The following RGS6 variants were observed in gnomAD, a reference collection of about 807,000 sequenced individuals.
The protein encoded by RGS6 is regulator of G-protein signaling 6.
In RGS6, 30 loss-of-function variants were observed where a neutral mutation model predicts 78.5. The observed-to-expected ratio is 0.38, with a 90% confidence interval of 0.29 to 0.52. The LOEUF (loss-of-function observed/expected upper bound fraction) is 0.52, where lower values mean the gene tolerates loss of function less well. RGS6 is among the 20% of genes least tolerant of loss of function. The pLI, the probability that RGS6 is intolerant of heterozygous loss-of-function variation, is 0.85. For missense variants in RGS6, 495 were observed against 609.7 expected (o/e 0.81, Z 1.98); for synonymous variants, 206 against 206.0 (o/e 1.00, Z 0.00).
chr14:72,384,088 A>T (rs567100436), intron 3 of RGS6, among the ~76,000 whole-genome samples: 3 of 152,192 alleles, frequency 2.0e-5, no homozygotes, highest in Non-Finnish European at 4.4e-5. Context: ...ACACGTTTTG[A>T]TCGTATAATA....
At chr14:72,133,703 C>T (rs181551847) in intron 2 of RGS6, among the ~76,000 whole-genome samples, 57 of 152,242 alleles carry the variant, frequency 3.7e-4, no homozygotes, top group Non-Finnish European at 6.0e-4. Flanking sequence ...ACTGCCTCTT[C>T]CTCCACTGTC....
intron 2 of RGS6, among the ~76,000 whole-genome samples, chr14:72,093,965 G>A (rs1373531698): frequency 6.6e-6 from 1 of 151,952 alleles, no homozygotes; most frequent in Non-Finnish European, 1.5e-5. Context: ...TTGGGAAAAT[G>A]AACATTAAAG....
At chr14:72,135,633 T>A (rs192355984) in intron 2 of RGS6, among the ~76,000 whole-genome samples, 151 of 152,222 alleles carry the variant, frequency 9.9e-4, no homozygotes, top group Non-Finnish European at 1.7e-3. Flanking sequence ...TTTTTCCTGC[T>A]AAACTTCTTT....
intron 2 of RGS6, among the ~76,000 whole-genome samples, chr14:72,207,716 T>G (rs1003006274): frequency 6.6e-6 from 1 of 152,238 alleles, no homozygotes; most frequent in African/African-American, 2.4e-5. Flanking sequence ...GTTACTTCTC[T>G]GTTTCTCAGA....
chr14:72,550,413 T>A (rs1315791553), intron 17 of RGS6: 2 of 1,497,300 alleles, frequency 1.3e-6, no homozygotes, highest in Admixed American at 3.9e-5. Context: ...TTTTTTTGTT[T>A]GCACTAAGCA....
intron 2 of RGS6, among the ~76,000 whole-genome samples, chr14:72,347,732 G>A (rs935620563): frequency 2.6e-5 from 4 of 152,214 alleles, no homozygotes; most frequent in African/African-American, 4.8e-5. Context: ...TGTTTTGAAT[G>A]TAAGGAGGGA....
At chr14:72,474,296 G>T (rs189082730) in intron 9 of RGS6, among the ~76,000 whole-genome samples, 1 of 152,142 alleles carries the variant, frequency 6.6e-6, no homozygotes, top group Non-Finnish European at 1.5e-5. Context: ...TACTCATCCT[G>T]ATATCGTGGA....
At chr14:72,100,366 A>G (rs1279418182) in intron 2 of RGS6, among the ~76,000 whole-genome samples, 2 of 152,010 alleles carry the variant, frequency 1.3e-5, no homozygotes, top group African/African-American at 2.4e-5. Context: ...GTGGTGGTGC[A>G]CACCTGTAAT....
chr14:72,250,635 A>G (rs1477560372), intron 2 of RGS6, among the ~76,000 whole-genome samples: 2 of 152,182 alleles, frequency 1.3e-5, no homozygotes, highest in African/African-American at 2.4e-5. Flanking sequence ...AGGATCACCT[A>G]TAAACTCAAG....
At chr14:72,125,139 T>C (rs1473747807) in intron 2 of RGS6, among the ~76,000 whole-genome samples, 1 of 152,090 alleles carries the variant, frequency 6.6e-6, no homozygotes, top group African/African-American at 2.4e-5. Context: ...GGGGACGTCT[T>C]TGTTGGCACC....
At chr14:72,232,005 G>A (rs1053528937) in intron 2 of RGS6, among the ~76,000 whole-genome samples, 5 of 152,202 alleles carry the variant, frequency 3.3e-5, no homozygotes, top group Admixed American at 1.3e-4. Context: ...TTTGGAGGCC[G>A]TATGAGGCTG....
Position 72,484,966 on chromosome 14 carries a change from G to A in RGS6, c.854+6637G>A, listed in dbSNP as rs577860398. On this transcript the variant is annotated intron_variant, in intron 12 of 17. Transcript: ENST00000553525. ...TTTTTTTTTTTTTGCCATTACTAAAGGTTCATGGGGCAGGAGTATGTGAAC... is the reference window on the plus strand; with the variant it reads ...TTTTTTTTTTTTTGCCATTACTAAAAGTTCATGGGGCAGGAGTATGTGAAC... Among the ~76,000 whole-genome samples, 3 of 142,776 alleles carry A rather than the reference G, an allele frequency of 2.1e-5. No individual in the cohort carries two copies. In the East Asian group the frequency reaches 6.0e-4, roughly 29 times the overall value. The allele number at this position is 142,776 out of a possible 152,430, so 93.7% of individuals were successfully genotyped here. A position where few individuals can be genotyped will look rare whatever the true frequency, so the allele number is the denominator to read the frequency against.
chr14:72,227,002 C>T (rs539121359), intron 2 of RGS6, among the ~76,000 whole-genome samples: 2 of 152,230 alleles, frequency 1.3e-5, no homozygotes, highest in South Asian at 4.2e-4. Context: ...GTTGAGGACA[C>T]CAAACAAATC....
intron 3 of RGS6, among the ~76,000 whole-genome samples, chr14:72,356,796 G>A (rs140322605): frequency 1.3e-5 from 2 of 152,270 alleles, no homozygotes; most frequent in East Asian, 1.9e-4. Context: ...TGAAGACAAT[G>A]TATTTGCTTC....
At chr14:72,089,649 T>G (rs1404330556) in intron 2 of RGS6, among the ~76,000 whole-genome samples, 3 of 152,250 alleles carry the variant, frequency 2.0e-5, no homozygotes, top group Non-Finnish European at 4.4e-5. Context: ...AAAAAAAATA[T>G]TTACTAGAGT....
chr14:72,138,737 C>T (rs1044598892), intron 2 of RGS6, among the ~76,000 whole-genome samples: 4 of 152,054 alleles, frequency 2.6e-5, no homozygotes, highest in African/African-American at 9.7e-5. Context: ...CATTGGAGCA[C>T]AAGCCCTGTT....
chr14:72,447,092 A>G (rs1200834092), intron 3 of RGS6, among the ~76,000 whole-genome samples: 1 of 152,126 alleles, frequency 6.6e-6, no homozygotes, highest in East Asian at 1.9e-4. Flanking sequence ...AGCAGATGCA[A>G]AGATCCTGTG....
chr14:72,167,891 C>CT (rs780241128), intron 2 of RGS6, among the ~76,000 whole-genome samples: 2 of 152,102 alleles, frequency 1.3e-5, no homozygotes, highest in Non-Finnish European at 2.9e-5. Flanking sequence ...ATCAATTACT[C>CT]TGGCCCTATT....
At chr14:72,173,196 AG>A (rs961029098) in intron 2 of RGS6, among the ~76,000 whole-genome samples, 3 of 151,952 alleles carry the variant, frequency 2.0e-5, no homozygotes, top group African/African-American at 7.3e-5. Context: ...GCTTCGGGGA[AG>A]GGTGCTGCTA....
Sources: allele counts gnomAD v4.1 joint callset (sites outside exome capture counted in the v4.1 genomes callset), GRCh38; gene constraint gnomAD v4.1.1; transcripts MANE v1.5; gene names NCBI Gene and HGNC (gene_info 2026-07-23, HGNC 2026-07-21).